Variants in FAM110B observed in about 807,000 individuals in gnomAD.
FAM110B encodes protein FAM110B.
FAM110B carries 6 observed loss-of-function variants against 20.4 expected under a neutral mutation model. That is an observed-to-expected ratio of 0.29 (90% CI 0.16 to 0.58). FAM110B has a LOEUF of 0.58. Ranked by LOEUF, FAM110B falls within the 20% of genes least tolerant of loss-of-function variation. FAM110B has a pLI of 0.90. For missense variants in FAM110B, 434 were observed against 498.2 expected, an observed-to-expected ratio of 0.87 and a Z score of 1.23; for synonymous variants, 226 against 214.1, an observed-to-expected ratio of 1.06 and a Z score of -0.49.
chr8:58,054,271 G>A (rs1006619530), intron 2 of FAM110B, among the ~76,000 whole-genome samples: 4 of 152,104 alleles, frequency 2.6e-5, no homozygotes, highest in Non-Finnish European at 4.4e-5. Flanking sequence ...GCATGAAGGT[G>A]GATATGAAAC....
chr8:58,102,878 T>C (rs1806813483), intron 3 of FAM110B, among the ~76,000 whole-genome samples: 1 of 152,122 alleles, frequency 6.6e-6, no homozygotes, highest in South Asian at 2.1e-4. Context: ...TACTGATCAG[T>C]TACTCAGGCT....
At chr8:58,037,833 CTCTT>C (rs1278282858) in intron 2 of FAM110B, among the ~76,000 whole-genome samples, 1 of 152,114 alleles carries the variant, frequency 6.6e-6, no homozygotes, top group Non-Finnish European at 1.5e-5. Context: ...TTACTTTTCT[CTCTT>C]TCTCTTTGTT....
At chr8:58,042,277 A>G (rs1805237545) in intron 2 of FAM110B, among the ~76,000 whole-genome samples, 1 of 152,232 alleles carries the variant, frequency 6.6e-6, no homozygotes, top group Non-Finnish European at 1.5e-5. Context: ...ATGCATTTTT[A>G]TTAAGCTGTT....
At chr8:58,099,711 C>A (rs971580645) in intron 3 of FAM110B, among the ~76,000 whole-genome samples, 3 of 150,032 alleles carry the variant, frequency 2.0e-5, no homozygotes, top group Admixed American at 6.6e-5. Context: ...GATATGAATA[C>A]TGTATGTATA....
At chr8:58,048,140 C>G (rs1004311867) in intron 2 of FAM110B, among the ~76,000 whole-genome samples, 4 of 152,162 alleles carry the variant, frequency 2.6e-5, no homozygotes, top group African/African-American at 9.7e-5. Context: ...AATTGTTTGG[C>G]AAACAGCAGT....
intron 1 of FAM110B, among the ~76,000 whole-genome samples, chr8:58,016,445 C>T (rs1336279953): frequency 1.3e-5 from 2 of 152,162 alleles, no homozygotes; most frequent in Admixed American, 6.5e-5. Flanking sequence ...GGCTCCAGCA[C>T]CCAATGTGGC....
chr8:57,998,098 CA>C (rs1475620115), intron 1 of FAM110B, among the ~76,000 whole-genome samples: 3 of 152,216 alleles, frequency 2.0e-5, no homozygotes, highest in African/African-American at 7.2e-5. Context: ...AACTCATTGA[CA>C]TACTTTGAAT....
intron 1 of FAM110B, among the ~76,000 whole-genome samples, chr8:58,005,327 TTG>T (rs903098464): frequency 2.4e-4 from 37 of 152,176 alleles, no homozygotes; most frequent in Non-Finnish European, 4.9e-4. Flanking sequence ...TGGTTACGGT[TTG>T]TAGTGCCCCA....
chr8:58,108,761 C>G (rs999067700), intron 3 of FAM110B, among the ~76,000 whole-genome samples: 2 of 152,160 alleles, frequency 1.3e-5, no homozygotes, highest in African/African-American at 4.8e-5. Flanking sequence ...GCTCAGAGGG[C>G]CTGTCCCGGT....
intron 3 of FAM110B, among the ~76,000 whole-genome samples, chr8:58,091,783 G>T (rs536063990): frequency 2.0e-5 from 3 of 152,104 alleles, no homozygotes; most frequent in Non-Finnish European, 4.4e-5. Flanking sequence ...CCCTCCATGT[G>T]GTCTCTGGGT....
chr8:58,100,529 T>G (rs1412711321), intron 3 of FAM110B, among the ~76,000 whole-genome samples: 1 of 152,216 alleles, frequency 6.6e-6, no homozygotes, highest in African/African-American at 2.4e-5. Context: ...TTCTGGGGGC[T>G]CTGAGGGAGA....
At chr8:58,047,420 A>C (rs1413940360) in intron 2 of FAM110B, among the ~76,000 whole-genome samples, 5 of 152,082 alleles carry the variant, frequency 3.3e-5, no homozygotes, top group Non-Finnish European at 5.9e-5. Flanking sequence ...TATGTGATCT[A>C]TGCCTGGAAG....
At chr8:58,100,457 GTTT>G (rs1806750002) in intron 3 of FAM110B, among the ~76,000 whole-genome samples, 1 of 152,230 alleles carries the variant, frequency 6.6e-6, no homozygotes, top group Non-Finnish European at 1.5e-5. Flanking sequence ...CAACAGAAAT[GTTT>G]TGTCTCACAG....
At chr8:58,027,041 A>T (rs1265021019) in intron 1 of FAM110B, among the ~76,000 whole-genome samples, 1 of 152,174 alleles carries the variant, frequency 6.6e-6, no homozygotes, top group Middle Eastern at 3.2e-3. Flanking sequence ...AGTCTTTCAC[A>T]GTGTTTACCC....
chr8:58,138,298 T>C (rs774916448), intron 3 of FAM110B, among the ~76,000 whole-genome samples: 49 of 152,344 alleles, frequency 3.2e-4, no homozygotes, highest in South Asian at 1.9e-3. Context: ...TGTTTTCTGT[T>C]GGCCTCCTTT....
At chr8:58,122,547 C>A (rs945239707) in intron 3 of FAM110B, among the ~76,000 whole-genome samples, 24 of 152,078 alleles carry the variant, frequency 1.6e-4, no homozygotes, top group African/African-American at 5.1e-4. Flanking sequence ...TTTGATATTT[C>A]TTCAAGCCCA....
At chr8:58,000,613 C>T (rs897562229) in intron 1 of FAM110B, among the ~76,000 whole-genome samples, 2 of 152,172 alleles carry the variant, frequency 1.3e-5, no homozygotes, top group African/African-American at 2.4e-5. Context: ...TAGTCACACA[C>T]GTGCCCAGAC....
At chr8:58,058,793 A>G (rs1343321088) in intron 2 of FAM110B, among the ~76,000 whole-genome samples, 1 of 152,176 alleles carries the variant, frequency 6.6e-6, no homozygotes, top group Non-Finnish European at 1.5e-5. Flanking sequence ...TAGTAATACC[A>G]TATTTGTAAT....
At chr8:58,015,509 C>T (rs1237706510) in intron 1 of FAM110B, among the ~76,000 whole-genome samples, 1 of 151,842 alleles carries the variant, frequency 6.6e-6, no homozygotes, top group African/African-American at 2.4e-5. Context: ...AGTCTTAGGT[C>T]CTTAAGTAAA....
Sources: allele counts gnomAD v4.1 joint callset (sites outside exome capture counted in the v4.1 genomes callset), GRCh38; gene constraint gnomAD v4.1.1; transcripts MANE v1.5; gene names NCBI Gene and HGNC (gene_info 2026-07-23, HGNC 2026-07-21).